Variants in RORA observed in about 807,000 individuals in gnomAD.
RORA encodes the protein RAR related orphan receptor A, also known as nuclear receptor ROR-alpha.
Under a neutral mutation model 69.5 loss-of-function variants are expected in RORA, and 7 were observed. The observed-to-expected ratio is 0.10, with a 90% confidence interval of 0.06 to 0.19. The LOEUF (loss-of-function observed/expected upper bound fraction) is 0.19. RORA is among the 10% of genes least tolerant of loss of function. RORA has a pLI of 1.00. For missense variants in RORA, 457 were observed against 663.0 expected, an observed-to-expected ratio of 0.69 and a Z score of 3.41; for synonymous variants, 261 against 240.8, an observed-to-expected ratio of 1.08 and a Z score of -0.78.
At chr15:61,076,186 G>C (rs888261231) in intron 1 of RORA, among the ~76,000 whole-genome samples, 7 of 152,224 alleles carry the variant, frequency 4.6e-5, no homozygotes, top group Non-Finnish European at 1.0e-4. Context: ...TTAAAGCAGA[G>C]GTCGCAGGGC....
intron 1 of RORA, among the ~76,000 whole-genome samples, chr15:60,898,227 T>G (rs1891285196): frequency 6.6e-6 from 1 of 152,078 alleles, no homozygotes. Context: ...TCAAACTGAG[T>G]TCTGATGACT....
chr15:60,911,858 A>ATT (rs1891729877), intron 1 of RORA, among the ~76,000 whole-genome samples: 2 of 31,810 alleles, frequency 6.3e-5, no homozygotes, highest in East Asian at 2.4e-3. Flanking sequence ...CACCTGGCTA[A>ATT]GTTTTTTTTT....
At chr15:61,065,765 T>C (rs897614886) in intron 1 of RORA, among the ~76,000 whole-genome samples, 3 of 152,200 alleles carry the variant, frequency 2.0e-5, no homozygotes, top group Non-Finnish European at 2.9e-5. Context: ...AGAAAGGACC[T>C]TTTAGAGCAC....
At chr15:60,565,090 ACT>A (rs760815197) in intron 2 of RORA, among the ~76,000 whole-genome samples, 1 of 152,202 alleles carries the variant, frequency 6.6e-6, no homozygotes, top group South Asian at 2.1e-4. Context: ...GAAGAAGAAC[ACT>A]GTCTTCTTTT....
chr15:60,535,776 TATAATA>T (rs1177592069), intron 2 of RORA, among the ~76,000 whole-genome samples: 1 of 152,176 alleles, frequency 6.6e-6, no homozygotes, highest in Admixed American at 6.5e-5. Flanking sequence ...TAATCTAATT[TATAATA>T]ATAATATCTA....
At chr15:60,678,392 G>C (rs968641067) in intron 2 of RORA, 5 of 382,338 alleles carry the variant, frequency 1.3e-5, no homozygotes, top group Non-Finnish European at 2.4e-5. Flanking sequence ...CTCCTGGCTA[G>C]ATTTCATGAT....
intron 1 of RORA, among the ~76,000 whole-genome samples, chr15:60,853,335 C>G (rs1486078968): frequency 6.6e-6 from 1 of 152,130 alleles, no homozygotes; most frequent in Non-Finnish European, 1.5e-5. Flanking sequence ...GACTGTTGCT[C>G]TGACACCAAA....
At chr15:60,941,024 T>C (rs1595832047) in intron 1 of RORA, among the ~76,000 whole-genome samples, 4 of 152,232 alleles carry the variant, frequency 2.6e-5, no homozygotes, top group African/African-American at 7.2e-5. Flanking sequence ...TCCTATGTGA[T>C]AGCAGACCTG....
chr15:60,601,272 CATT>C (rs903615171), intron 2 of RORA, among the ~76,000 whole-genome samples: 2 of 152,158 alleles, frequency 1.3e-5, no homozygotes, highest in African/African-American at 4.8e-5. Context: ...TAGCATGTGT[CATT>C]ATGAATTATT....
rs183570972 is a variant in RORA at position 60,589,647 on chromosome 15, A to G, written c.197-57796T>C. 3.9e-3 allele frequency among the ~76,000 whole-genome samples: 589 copies of G among 152,350 alleles called. 1 individual carries two copies. The highest frequency in any genetic ancestry group is 6.2e-3 in the Non-Finnish European group (425 of 68,032). ...AAAAGCAAAATTGAAGGATGAGACT[A>G]GAGTTACTCAAATGAAGATTTATTA... On this transcript the variant is annotated intron_variant, in intron 2 of 10. Coordinates refer to ENST00000335670, the MANE Select transcript of RORA (RefSeq NM_134261.3).
At chr15:60,974,535 T>A (rs1208457336) in intron 1 of RORA, among the ~76,000 whole-genome samples, 1 of 152,220 alleles carries the variant, frequency 6.6e-6, no homozygotes, top group Non-Finnish European at 1.5e-5. Context: ...CTCTGCTTTT[T>A]CTTTGTGGCT....
intron 1 of RORA, among the ~76,000 whole-genome samples, chr15:60,941,347 G>A (rs763992424): frequency 3.9e-4 from 59 of 152,360 alleles, no homozygotes; most frequent in Non-Finnish European, 6.5e-4. Flanking sequence ...TGATACAACT[G>A]TGCCAGTCTT....
intron 2 of RORA, among the ~76,000 whole-genome samples, chr15:60,541,728 A>C (rs893737616): frequency 2.2e-4 from 33 of 152,170 alleles, no homozygotes; most frequent in African/African-American, 8.0e-4. Flanking sequence ...GCATCAATGC[A>C]CACACTATAA....
At chr15:60,806,909 C>T (rs191542482) in intron 1 of RORA, among the ~76,000 whole-genome samples, 15 of 152,164 alleles carry the variant, frequency 9.9e-5, no homozygotes, top group Admixed American at 4.6e-4. Context: ...ATTCAATGTA[C>T]CTTAAGGTAA....
rs34150883 is a variant in RORA at position 60,856,490 on chromosome 15, C to CTT, written c.167-177806_167-177805dup. Among the ~76,000 whole-genome samples the CTT allele has an allele frequency of 4.5e-3, 671 of 148,672 alleles. 5 individuals are homozygous for CTT. The highest frequency in any genetic ancestry group is 0.015 in the South Asian group (68 of 4,674). On this transcript the variant is annotated intron_variant, in intron 1 of 10. Transcript: ENST00000335670. The stretch of plus-strand genomic sequence containing the variant: ...ATCACGATTTTAAAGAATCACTGAC[C>CTT]TTTTTTTTTTTTTCTTAGAACTAGA...
At position 60,496,594 on chromosome 15, in the gene RORA, A is replaced by C. The variant is rs2065174160; in HGVS notation, c.*861T>G. ...AGGGAGAGTTCCGTTTCTAATTCCA[A>C]ATTCACATGTTAAAAAAAAAATCCA... On this transcript the variant is annotated 3_prime_UTR_variant, in exon 11 of 11. Coordinates refer to ENST00000335670, the MANE Select transcript of RORA (RefSeq NM_134261.3). This position sits in a 1 kb window ranked among gnomAD's most constrained non-coding sequence, Gnocchi z 4.5. 1 of 152,150 alleles carries C rather than the reference A, an allele frequency of 6.6e-6. No homozygotes were observed. The highest frequency in any genetic ancestry group is 2.4e-5 in the African/African-American group (1 of 41,422). The allele number at this position is 152,150 out of a possible 1,614,324, so 9.4% of individuals were successfully genotyped here. A position where few individuals can be genotyped will look rare whatever the true frequency, so the allele number is the denominator to read the frequency against.
chr15:60,795,435 C>T (rs898960679), intron 1 of RORA, among the ~76,000 whole-genome samples: 1 of 152,182 alleles, frequency 6.6e-6, no homozygotes, highest in Non-Finnish European at 1.5e-5. Flanking sequence ...GGCAGCCAAA[C>T]CCCGGGAGAG....
chr15:60,981,332 A>G (rs892318197), intron 1 of RORA, among the ~76,000 whole-genome samples: 2 of 152,042 alleles, frequency 1.3e-5, no homozygotes, highest in Non-Finnish European at 2.9e-5. Flanking sequence ...AGCTTTTTGT[A>G]TGTATAGATT....
intron 1 of RORA, among the ~76,000 whole-genome samples, chr15:60,992,444 C>T (rs1314015710): frequency 6.6e-6 from 1 of 152,154 alleles, no homozygotes; most frequent in East Asian, 1.9e-4. Context: ...CCTTACAACC[C>T]ATGTAGGGTA....
Sources: allele counts gnomAD v4.1 joint callset (sites outside exome capture counted in the v4.1 genomes callset), GRCh38; gene constraint gnomAD v4.1.1; non-coding constraint Gnocchi (gnomAD v3.1); transcripts MANE v1.5; gene names NCBI Gene and HGNC (gene_info 2026-07-23, HGNC 2026-07-21).